The following C9orf153 variants were observed in gnomAD, a reference collection of about 807,000 sequenced individuals.
The protein encoded by C9orf153 is uncharacterized protein C9orf153.
Under a neutral mutation model 9.0 loss-of-function variants are expected in C9orf153, and 10 were observed. The observed-to-expected ratio is 1.11, with a 90% CI of 0.69 to 1.89. The LOEUF is 1.89. Ranked by LOEUF, C9orf153 falls within the 40% of genes most tolerant of loss-of-function variation. The pLI, the probability that C9orf153 is intolerant of heterozygous loss-of-function variation, is 0.00. For missense variants in C9orf153, 108 were observed against 111.0 expected, an observed-to-expected ratio of 0.97 and a Z score of 0.12; for synonymous variants, 35 against 37.3, an observed-to-expected ratio of 0.94 and a Z score of 0.23.
At chr9:86,240,481 G>C (rs1359447273) in intron 1 of C9orf153, among the ~76,000 whole-genome samples, 1 of 149,776 alleles carries the variant, frequency 6.7e-6, no homozygotes, top group Non-Finnish European at 1.5e-5. Context: ...GGGTTCAAGC[G>C]ATTCTCCCAC....
At chr9:86,235,697 G>A (rs1227997460) in intron 1 of C9orf153, among the ~76,000 whole-genome samples, 4 of 127,456 alleles carry the variant, frequency 3.1e-5, no homozygotes, top group Admixed American at 9.7e-5. Flanking sequence ...AGCCAAGATC[G>A]CGTCACTGCA....
At position 86,232,510 on chromosome 9, in the gene C9orf153, TACTC is replaced by T. The variant is rs750252689; in HGVS notation, c.-26-2885_-26-2882del. Among the ~76,000 whole-genome samples, 23 of 152,184 alleles carry T rather than the reference TACTC, an allele frequency of 1.5e-4. No individual in the cohort carries two copies. The East Asian group carries it at 2.1e-3, about 14-fold the overall frequency. On this transcript the variant is annotated intron_variant, in intron 1 of 3. Transcript: ENST00000339137. ...GGACTGTGGCACTTCTCTTCATCGT[TACTC>T]CCACAGATTCCTACAGTAAATTTTC... is the stretch of plus-strand genomic sequence containing the variant.
intron 1 of C9orf153, among the ~76,000 whole-genome samples, chr9:86,244,558 C>T (rs1037883611): frequency 7.2e-5 from 11 of 152,182 alleles, no homozygotes; most frequent in African/African-American, 1.9e-4. Flanking sequence ...TCTAAAAGAG[C>T]TCTTCTTCTC....
rs1488739598 is a variant in C9orf153, at chr9:86,220,345, C to T, written c.*1343G>A. ...TTGCTTGCCATTATTTCTTGCATTC[C>T]CTCTGGGTTCTTACTAAAATACATA... On this transcript the variant is annotated 3_prime_UTR_variant, in exon 4 of 4. Transcript: ENST00000339137. The T allele has an allele frequency of 6.6e-6, 1 of 152,040 alleles. No individual in the cohort carries two copies. Among genetic ancestry groups the T allele is most frequent in the African/African-American group, 2.4e-5 (1 of 41,386 alleles). The allele number at this position is 152,040 out of a possible 1,614,324, so 9.4% of individuals were successfully genotyped here. A position where few individuals can be genotyped will look rare whatever the true frequency, so the allele number is the denominator to read the frequency against.
chr9:86,227,380 T>C, intron 3 of C9orf153: 1 of 1,533,066 alleles, frequency 6.5e-7, no homozygotes, highest in Non-Finnish European at 8.8e-7. Context: ...TTTCCAGGCT[T>C]GTTCATTTTA....
intron 2 of C9orf153, among the ~76,000 whole-genome samples, chr9:86,229,147 T>C (rs1824405232): frequency 6.6e-6 from 1 of 152,210 alleles, no homozygotes; most frequent in Admixed American, 6.5e-5. Flanking sequence ...ATAGTCTTTT[T>C]TTCCAGTGTT....
chr9:86,253,672 A>G (rs540061656), intron 1 of C9orf153, among the ~76,000 whole-genome samples: 2 of 152,318 alleles, frequency 1.3e-5, no homozygotes, highest in South Asian at 4.1e-4. Flanking sequence ...ATGGCTCACT[A>G]AAGCCTTAAA....
At chr9:86,237,923 G>A (rs148126485) in intron 1 of C9orf153, among the ~76,000 whole-genome samples, 1,896 of 151,934 alleles carry the variant, frequency 0.012, 40 homozygotes, top group African/African-American at 0.04. Flanking sequence ...TACTAAAAAC[G>A]TAAAAAAATT....
At chr9:86,226,588 G>C (rs1478007029) in intron 3 of C9orf153, among the ~76,000 whole-genome samples, 1 of 151,998 alleles carries the variant, frequency 6.6e-6, no homozygotes, top group Non-Finnish European at 1.5e-5. Context: ...CTGTGAAAAT[G>C]GTCTTATCTT....
intron 2 of C9orf153, 98 bp downstream of exon 2, chr9:86,229,440 C>G: frequency 1.2e-6 from 1 of 816,496 alleles, no homozygotes; most frequent in Non-Finnish European, 2.0e-6. Flanking sequence ...TCCCATGGCT[C>G]CCAAGTGTGT....
At chr9:86,258,126 G>A (rs576478981) in intron 1 of C9orf153, among the ~76,000 whole-genome samples, 1 of 152,170 alleles carries the variant, frequency 6.6e-6, no homozygotes, top group Non-Finnish European at 1.5e-5. Flanking sequence ...AGCAGATCAC[G>A]GGGTCAGGAG....
intron 1 of C9orf153, among the ~76,000 whole-genome samples, chr9:86,239,631 T>A (rs10118760): frequency 1.3e-5 from 2 of 151,968 alleles, no homozygotes; most frequent in Non-Finnish European, 2.9e-5. Flanking sequence ...GAGGGGTAAC[T>A]GGAAGTGAGT....
At chr9:86,256,953 G>A (rs1825133932) in intron 1 of C9orf153, among the ~76,000 whole-genome samples, 1 of 152,162 alleles carries the variant, frequency 6.6e-6, no homozygotes, top group Non-Finnish European at 1.5e-5. Context: ...GAGTACAGGA[G>A]TTCAAGACCA....
chr9:86,241,330 T>C (rs1284759440), intron 1 of C9orf153, among the ~76,000 whole-genome samples: 1 of 147,512 alleles, frequency 6.8e-6, no homozygotes, highest in African/African-American at 2.5e-5. Context: ...TTCCAGGTCC[T>C]GCCCGGAGCT....
intron 1 of C9orf153, among the ~76,000 whole-genome samples, chr9:86,249,725 A>G (rs1055592036): frequency 1.3e-5 from 2 of 151,980 alleles, no homozygotes; most frequent in Non-Finnish European, 2.9e-5. Flanking sequence ...ATTTTTCTTT[A>G]TAGTAAAGAT....
Position 86,227,851 on chromosome 9 carries a change from G to A in C9orf153, c.242+4C>T, listed in dbSNP as rs747925465. 6.8e-6 allele frequency: 11 copies of A among 1,606,934 alleles called. No homozygotes were observed. The highest frequency in any genetic ancestry group is 8.5e-6 in the Non-Finnish European group (10 of 1,177,544). On this transcript the variant is annotated splice_donor_region_variant and intron_variant, in intron 3 of 3. Transcript: ENST00000339137. ...CTTGCTTCTCTTTTTTAACCACTGT[G>A]CACCTGATAACAGGTTGGAGATCTC... is the stretch of plus-strand genomic sequence containing the variant.
In C9orf153 at chr9:86,224,771, CAAAA is replaced by C. The variant is rs35435424; in HGVS notation, c.243-3042_243-3039del. Among the ~76,000 whole-genome samples, 481 of 113,406 alleles carry C rather than the reference CAAAA, an allele frequency of 4.2e-3. 3 individuals are homozygous for C. Among genetic ancestry groups the C allele is most frequent in the African/African-American group, 0.014 (450 of 32,908 alleles). The allele number at this position is 113,406 out of a possible 152,430, so 74.4% of individuals were successfully genotyped here. A position where few individuals can be genotyped will look rare whatever the true frequency, so the allele number is the denominator to read the frequency against. On this transcript the variant is annotated intron_variant, in intron 3 of 3. Coordinates refer to ENST00000339137, the MANE Select transcript of C9orf153 (RefSeq NM_001276366.4). The stretch of plus-strand genomic sequence containing the variant: ...TAAAACCCCGTCTCTACTAAAAATA[CAAAA>C]AAAAAAAAAAAAAATTAGCTGGGCT...
At chr9:86,253,086 A>G (rs1366467262) in intron 1 of C9orf153, among the ~76,000 whole-genome samples, 1 of 152,144 alleles carries the variant, frequency 6.6e-6, no homozygotes, top group African/African-American at 2.4e-5. Flanking sequence ...CAAAATTTGG[A>G]AACTATTTGT....
At chr9:86,225,355 CTTCCTTCCTTCT>C (rs1824299433) in intron 3 of C9orf153, among the ~76,000 whole-genome samples, 1 of 148,528 alleles carries the variant, frequency 6.7e-6, no homozygotes, top group Admixed American at 6.8e-5. Flanking sequence ...TCCTTCCTTC[CTTCCTTCCTTCT>C]TTCTTTCCTT....
Sources: gnomAD v4.1 joint callset for allele counts (sites outside exome capture counted in the v4.1 genomes callset) on GRCh38, gnomAD v4.1.1 for gene constraint, MANE v1.5 for transcripts, NCBI Gene and HGNC (gene_info 2026-07-23, HGNC 2026-07-21) for gene names.